The following SENP5 variants were observed in gnomAD, a reference collection of about 807,000 sequenced individuals.
The protein encoded by SENP5 is sentrin-specific protease 5.
In SENP5, 21 loss-of-function variants were observed where a neutral mutation model predicts 74.2. The observed-to-expected ratio is 0.28, with a 90% CI of 0.20 to 0.41. The LOEUF is 0.41. SENP5 is among the 10% of genes least tolerant of loss of function. The pLI, the probability that SENP5 is intolerant of heterozygous loss-of-function variation, is 1.00. For synonymous variants in SENP5, 311 were observed against 312.7 expected, an observed-to-expected ratio of 0.99 and a Z score of 0.06; for missense variants, 717 against 889.1, an observed-to-expected ratio of 0.81 and a Z score of 2.46.
intron 2 of SENP5, among the ~76,000 whole-genome samples, chr3:196,893,006 G>A (rs1321826328): frequency 6.6e-6 from 1 of 152,190 alleles, no homozygotes; most frequent in Non-Finnish European, 1.5e-5. Context: ...AGTATGGGGT[G>A]CAGGTACCTC....
At chr3:196,901,296 C>T (rs550777305) in intron 5 of SENP5, among the ~76,000 whole-genome samples, 97 of 151,750 alleles carry the variant, frequency 6.4e-4, no homozygotes, top group African/African-American at 2.3e-3. Flanking sequence ...CCGCCCACCT[C>T]CCCCTCCCAA....
intron 5 of SENP5, among the ~76,000 whole-genome samples, chr3:196,901,190 T>C (rs1387742618): frequency 6.6e-6 from 1 of 150,700 alleles, no homozygotes; most frequent in African/African-American, 2.4e-5. Context: ...GGATTACAGG[T>C]GTGTGCCACC....
intron 1 of SENP5, among the ~76,000 whole-genome samples, chr3:196,875,614 C>T (rs1713427424): frequency 6.6e-6 from 1 of 152,274 alleles, no homozygotes; most frequent in African/African-American, 2.4e-5. Flanking sequence ...CATCATTTGT[C>T]TCAGCTGAAA....
chr3:196,930,667 T>G, intron 9 of SENP5, 146 bp from the exon 10 acceptor site: 1 of 606,404 alleles, frequency 1.6e-6, no homozygotes, highest in Non-Finnish European at 3.0e-6. Context: ...GTGGAAAAAT[T>G]GCCTTACACG....
chr3:196,924,335 T>C (rs1715733715), intron 7 of SENP5, among the ~76,000 whole-genome samples: 1 of 152,194 alleles, frequency 6.6e-6, no homozygotes, highest in South Asian at 2.1e-4. Flanking sequence ...ATATGTATGA[T>C]GCAAATAACA....
intron 6 of SENP5, chr3:196,913,424 G>A (rs898640940): frequency 9.9e-5 from 15 of 151,670 alleles, no homozygotes; most frequent in Non-Finnish European, 1.5e-5. Context: ...AAGAAAATTA[G>A]CTGGGTGTGG....
At chr3:196,881,851 T>C (rs1286297337) in intron 1 of SENP5, among the ~76,000 whole-genome samples, 3 of 151,892 alleles carry the variant, frequency 2.0e-5, no homozygotes, top group Admixed American at 6.6e-5. Context: ...GTTCTTTTTT[T>C]TCAATGGATG....
At chr3:196,915,395 C>T (rs940830362) in intron 6 of SENP5, among the ~76,000 whole-genome samples, 1 of 152,172 alleles carries the variant, frequency 6.6e-6, no homozygotes, top group African/African-American at 2.4e-5. Flanking sequence ...TAAAATAAAG[C>T]ACCAGTCATT....
intron 1 of SENP5, among the ~76,000 whole-genome samples, chr3:196,870,792 A>C (rs1230556379): frequency 6.6e-6 from 1 of 152,180 alleles, no homozygotes. Flanking sequence ...CGCGGGGATT[A>C]CAGGTGTGAG....
chr3:196,880,784 G>A (rs1218561574), intron 1 of SENP5, among the ~76,000 whole-genome samples: 3 of 151,554 alleles, frequency 2.0e-5, no homozygotes, highest in African/African-American at 7.3e-5. Context: ...TGGATTACAG[G>A]TATGTGCCAC....
chr3:196,907,335 G>A lies in SENP5; in HGVS notation c.1884+3725G>A, dbSNP rs188345377. Among the ~76,000 whole-genome samples the A allele has an allele frequency of 1.1e-3, 169 of 151,868 alleles. 4 individuals are homozygous for A. Among genetic ancestry groups the A allele is most frequent in the Admixed American group, 0.011 (168 of 15,230 alleles). ...AAAAATACAAAAAAATTAGCCGGGC[G>A]TGGTGACGGATGCCTGTAGTCCCAC... On this transcript the variant is annotated intron_variant, in intron 6 of 9. Coordinates refer to ENST00000323460, the MANE Select transcript of SENP5 (RefSeq NM_152699.5).
chr3:196,916,340 CAAAA>C (rs959227505), intron 6 of SENP5, among the ~76,000 whole-genome samples: 4 of 150,964 alleles, frequency 2.6e-5, no homozygotes, highest in East Asian at 3.9e-4. Context: ...AACAAACAAA[CAAAA>C]AAAACATGCA....
At chr3:196,880,545 C>T (rs529084700) in intron 1 of SENP5, among the ~76,000 whole-genome samples, 10 of 151,850 alleles carry the variant, frequency 6.6e-5, no homozygotes, top group Middle Eastern at 3.2e-3. Flanking sequence ...GTTTAATTGT[C>T]GTCTCCTTAA....
Position 196,886,009 on chromosome 3 carries a change from A to G in SENP5, c.828A>G (p.Gln276=). 2 of 1,614,214 alleles carry G rather than the reference A, an allele frequency of 1.2e-6. No individual in the cohort carries two copies. Among genetic ancestry groups the G allele is most frequent in the African/African-American group, 1.3e-5 (1 of 75,056 alleles). ...SWVQKVTGDH[Q]ETRRENGEGG... is the part of the protein sequence containing the mutation. ...TACAGAAAGTCACTGGGGACCATCAAGAGACCCGTAGGGAGAACGGTGAGG... is the reference window on the plus strand; with the variant it reads ...TACAGAAAGTCACTGGGGACCATCAGGAGACCCGTAGGGAGAACGGTGAGG... The change falls in exon 2 of 10, where the codon CAA becomes CAG. Residue 276 remains glutamine (Q), a synonymous_variant. Coordinates refer to ENST00000323460, the MANE Select transcript of SENP5 (RefSeq NM_152699.5).
intron 7 of SENP5, 71 bp from the exon 8 acceptor site, chr3:196,927,725 G>T: frequency 1.2e-6 from 1 of 858,130 alleles, no homozygotes; most frequent in Non-Finnish European, 2.0e-6. Context: ...CCTTCTGTCT[G>T]CTATGGGCAT....
chr3:196,879,533 C>T (rs1713629617), intron 1 of SENP5, among the ~76,000 whole-genome samples: 1 of 152,202 alleles, frequency 6.6e-6, no homozygotes. Context: ...CCGCTCCCTT[C>T]TGGATTGGTG....
At chr3:196,888,440 A>G (rs1714065474) in intron 2 of SENP5, among the ~76,000 whole-genome samples, 2 of 152,000 alleles carry the variant, frequency 1.3e-5, no homozygotes, top group Non-Finnish European at 2.9e-5. Context: ...AAAATCAGCC[A>G]GGTGTTGTGG....
chr3:196,924,655 A>G (rs557517263), intron 7 of SENP5, among the ~76,000 whole-genome samples: 1 of 152,288 alleles, frequency 6.6e-6, no homozygotes, highest in South Asian at 2.1e-4. Flanking sequence ...CCGCTTGGGG[A>G]TAGTTGCAGT....
At position 196,886,156 on chromosome 3, in the gene SENP5, T is replaced by C; in HGVS notation, c.975T>C (p.Asp325=). The change falls in exon 2 of 10, where the codon GAT becomes GAC. Residue 325 remains aspartate (D), a synonymous_variant. Coordinates refer to ENST00000323460, the MANE Select transcript of SENP5 (RefSeq NM_152699.5). ...VVKGTNSHVP[D]CHTKGSSFLG... ...AGGGGACGAACTCTCATGTGCCTGATTGCCACACTAAAGGAAGCTCTTTCT... is the reference window on the plus strand; with the variant it reads ...AGGGGACGAACTCTCATGTGCCTGACTGCCACACTAAAGGAAGCTCTTTCT... 1.2e-6 allele frequency: 2 copies of C among 1,614,204 alleles called. No homozygotes were observed. Among genetic ancestry groups the C allele is most frequent in the East Asian group, 2.2e-5 (1 of 44,870 alleles).
Sources: allele counts gnomAD v4.1 joint callset (sites outside exome capture counted in the v4.1 genomes callset), GRCh38; gene constraint gnomAD v4.1.1; transcripts MANE v1.5; gene names NCBI Gene and HGNC (gene_info 2026-07-23, HGNC 2026-07-21).